ENOX1: variants seen among roughly 807,000 people sequenced by gnomAD.
ENOX1 encodes the protein ecto-NOX disulfide-thiol exchanger 1.
A neutral mutation model predicts 82.5 loss-of-function variants in ENOX1; 42 were observed. That is an observed-to-expected ratio of 0.51 (90% confidence interval 0.40 to 0.66). The LOEUF (loss-of-function observed/expected upper bound fraction) is 0.66. ENOX1 is among the 30% of genes least tolerant of loss of function. The pLI, the probability that ENOX1 is intolerant of heterozygous loss-of-function variation, is 0.00. For missense variants in ENOX1, 608 were observed against 811.6 expected (o/e 0.75, Z 3.05); for synonymous variants, 271 against 282.2 (o/e 0.96, Z 0.40).
chr13:43,222,945 T>G (rs1369853278), intron 16 of ENOX1, among the ~76,000 whole-genome samples: 1 of 152,186 alleles, frequency 6.6e-6, no homozygotes, highest in Non-Finnish European at 1.5e-5. Context: ...TTTCACCCTG[T>G]TTTGTTCTAC....
rs1248354786 is a variant in ENOX1 at position 43,721,401 on chromosome 13, C to T, written c.-284-53857G>A. 8.7e-5 allele frequency among the ~76,000 whole-genome samples: 7 copies of T among 80,710 alleles called. No individual in the cohort carries two copies. The East Asian group carries it at 2.2e-3, about 26-fold the overall frequency. 52.9% of individuals were successfully genotyped at this position (80,710 alleles called of 152,430 possible). A position where few individuals can be genotyped will look rare whatever the true frequency, so the allele number is the denominator to read the frequency against. On this transcript the variant is annotated intron_variant, in intron 1 of 16. Transcript: ENST00000690772. ...CTTTTTTTTTTTTTTTTTTTTGAGA[C>T]GGAGTCTTGCTCTGTCGCCCAGGCT...
chr13:43,361,110 C>T (rs367889699), intron 6 of ENOX1, among the ~76,000 whole-genome samples, 169 bp downstream of exon 6: 9 of 152,314 alleles, frequency 5.9e-5, no homozygotes, highest in African/African-American at 2.2e-4. Flanking sequence ...CACGTGGCCA[C>T]ATCCCTGTAT....
intron 2 of ENOX1, among the ~76,000 whole-genome samples, chr13:43,594,405 T>A (rs988422203): frequency 6.6e-6 from 1 of 152,322 alleles, no homozygotes; most frequent in South Asian, 2.1e-4. Flanking sequence ...TAAAAGAACG[T>A]GTTTGAAAAT....
intron 7 of ENOX1, among the ~76,000 whole-genome samples, chr13:43,358,996 G>T (rs1178684867): frequency 6.6e-6 from 1 of 152,256 alleles, no homozygotes; most frequent in Non-Finnish European, 1.5e-5. Flanking sequence ...AGTTTGCACA[G>T]AATTTCGTGG....
At chr13:43,633,688 A>ATGTGTGTATGTGTGTGTG in intron 2 of ENOX1, among the ~76,000 whole-genome samples, 1 of 150,198 alleles carries the variant, frequency 6.7e-6, no homozygotes, top group South Asian at 2.1e-4. Flanking sequence ...AAATGTGTGT[A>ATGTGTGTATGTGTGTGTG]TGTGTGTGTG....
At chr13:43,285,643 T>C (rs2045650751) in intron 12 of ENOX1, among the ~76,000 whole-genome samples, 1 of 151,684 alleles carries the variant, frequency 6.6e-6, no homozygotes, top group African/African-American at 2.4e-5. Context: ...CTGTCTCTAC[T>C]AAAAATACAA....
At chr13:43,554,419 T>C (rs1196980609) in intron 2 of ENOX1, among the ~76,000 whole-genome samples, 1 of 152,218 alleles carries the variant, frequency 6.6e-6, no homozygotes, top group Non-Finnish European at 1.5e-5. Flanking sequence ...TGTATAGTGC[T>C]ATACAATTTA....
At chr13:43,326,667 G>A (rs558455535) in intron 9 of ENOX1, 142 bp from the exon 10 acceptor site, 44 of 708,948 alleles carry the variant, frequency 6.2e-5, no homozygotes, top group African/African-American at 2.0e-4. Flanking sequence ...TGTGCCTTTC[G>A]TACTTACATT....
At chr13:43,233,713 G>A (rs1197838999) in intron 15 of ENOX1, among the ~76,000 whole-genome samples, 2 of 150,326 alleles carry the variant, frequency 1.3e-5, no homozygotes, top group Non-Finnish European at 2.9e-5. Context: ...TGCCCCAAGA[G>A]GGCACTGATC....
At chr13:43,697,066 ACT>A (rs1351309437) in intron 1 of ENOX1, among the ~76,000 whole-genome samples, 1 of 152,052 alleles carries the variant, frequency 6.6e-6, no homozygotes, top group Non-Finnish European at 1.5e-5. Flanking sequence ...ATACAAGATG[ACT>A]CTACGTTTTT....
chr13:43,693,427 A>G (rs1405989498), intron 1 of ENOX1, among the ~76,000 whole-genome samples: 1 of 152,224 alleles, frequency 6.6e-6, no homozygotes, highest in Non-Finnish European at 1.5e-5. Flanking sequence ...CAGCTTGTAC[A>G]AAGTTTGACA....
intron 3 of ENOX1, among the ~76,000 whole-genome samples, chr13:43,443,197 T>C (rs1355354030): frequency 6.6e-6 from 1 of 152,196 alleles, no homozygotes; most frequent in Non-Finnish European, 1.5e-5. Context: ...AGTATAAATC[T>C]TTCGTATATA....
At chr13:43,510,417 T>C (rs530779180) in intron 2 of ENOX1, among the ~76,000 whole-genome samples, 12 of 152,138 alleles carry the variant, frequency 7.9e-5, no homozygotes, top group Non-Finnish European at 1.6e-4. Context: ...TGACATATAA[T>C]AGGTATTCTG....
chr13:43,337,738 T>TACAC (rs1238936029), intron 9 of ENOX1, among the ~76,000 whole-genome samples: 4 of 151,936 alleles, frequency 2.6e-5, no homozygotes, highest in African/African-American at 9.7e-5. Flanking sequence ...ATTTTCATTT[T>TACAC]ACACACACAC....
chr13:43,480,062 A>G (rs2058450328), intron 3 of ENOX1, among the ~76,000 whole-genome samples: 1 of 151,568 alleles, frequency 6.6e-6, no homozygotes, highest in Non-Finnish European at 1.5e-5. Context: ...TAGCCTCCTG[A>G]AGTAGCTGGG....
At chr13:43,458,148 C>G (rs940440214) in intron 3 of ENOX1, among the ~76,000 whole-genome samples, 2 of 152,210 alleles carry the variant, frequency 1.3e-5, no homozygotes, top group Admixed American at 6.5e-5. Flanking sequence ...AACAACATCA[C>G]TTCCAATGTA....
intron 5 of ENOX1, among the ~76,000 whole-genome samples, chr13:43,403,507 CT>C (rs1566130379): frequency 6.6e-6 from 1 of 152,234 alleles, no homozygotes; most frequent in African/African-American, 2.4e-5. Context: ...CAAAGCAAAT[CT>C]TTTTTGGAAA....
chr13:43,541,171 C>CTTTTTTTTTTTTTTTTTTTT (rs1555317884), intron 2 of ENOX1, among the ~76,000 whole-genome samples: 4 of 38,732 alleles, frequency 1.0e-4, no homozygotes, highest in Non-Finnish European at 2.4e-4. Context: ...CTTCTTCCCT[C>CTTTTTTTTTTTTTTTTTTTT]TGTTTTTTTT....
intron 2 of ENOX1, among the ~76,000 whole-genome samples, chr13:43,616,134 C>CTATATA (rs1566641081): frequency 5.5e-5 from 1 of 18,052 alleles, no homozygotes; most frequent in East Asian, 3.1e-3. Context: ...AGATATCTAT[C>CTATATA]TATCTAGATA....
Sources: allele counts gnomAD v4.1 joint callset (sites outside exome capture counted in the v4.1 genomes callset), GRCh38; gene constraint gnomAD v4.1.1; transcripts MANE v1.5; gene names NCBI Gene and HGNC (gene_info 2026-07-23, HGNC 2026-07-21).